The following PLCG2 variants were observed in gnomAD, a reference collection of about 807,000 sequenced individuals.
PLCG2 encodes the protein phospholipase C gamma 2.
Under a neutral mutation model 175.6 loss-of-function variants are expected in PLCG2, and 69 were observed. That is an observed-to-expected ratio of 0.39 (90% CI 0.32 to 0.48). The LOEUF is 0.48. Ranked by LOEUF, PLCG2 falls within the 20% of genes least tolerant of loss-of-function variation. The pLI is 0.91. For synonymous variants in PLCG2, 827 were observed against 624.0 expected (o/e 1.33, Z -4.85); for missense variants, 1,798 against 1,650.9 (o/e 1.09, Z -1.54).
chr16:81,788,852 G>A (rs773593919), intron 2 of PLCG2, among the ~76,000 whole-genome samples: 19 of 152,192 alleles, frequency 1.2e-4, no homozygotes, highest in Non-Finnish European at 2.2e-4. Context: ...CCACCCCCAG[G>A]TGGCCCAGAA....
intron 2 of PLCG2, among the ~76,000 whole-genome samples, chr16:81,831,307 G>C (rs182276717): frequency 6.6e-6 from 1 of 152,176 alleles, no homozygotes; most frequent in Non-Finnish European, 1.5e-5. Flanking sequence ...TGCCTGGCAC[G>C]CTGGCTTTTA....
At chr16:81,782,533 G>A (rs1910785940) in intron 1 of PLCG2, among the ~76,000 whole-genome samples, 1 of 152,244 alleles carries the variant, frequency 6.6e-6, no homozygotes, top group South Asian at 2.1e-4. Context: ...TGAGCTGGGT[G>A]CTGGCAGGAT....
At chr16:81,835,585 A>T (rs1479539560) in intron 2 of PLCG2, among the ~76,000 whole-genome samples, 1 of 58,904 alleles carries the variant, frequency 1.7e-5, no homozygotes, top group Admixed American at 2.6e-4. Context: ...TCTCAAATAT[A>T]ATAATAATAA....
intron 2 of PLCG2, among the ~76,000 whole-genome samples, chr16:81,757,243 C>T (rs1263592636): frequency 1.3e-5 from 2 of 152,128 alleles, no homozygotes; most frequent in East Asian, 1.9e-4. Flanking sequence ...ATTCATCCAT[C>T]CACCCACCCA....
chr16:81,839,204 G>A (rs1240796717), intron 2 of PLCG2, among the ~76,000 whole-genome samples: 2 of 152,162 alleles, frequency 1.3e-5, no homozygotes. Flanking sequence ...AAAACGGTGA[G>A]TTGATTTAAA....
intron 2 of PLCG2, among the ~76,000 whole-genome samples, chr16:81,821,316 C>G (rs1021412837): frequency 6.6e-6 from 1 of 152,226 alleles, no homozygotes; most frequent in Non-Finnish European, 1.5e-5. Context: ...ATTGTTGTCT[C>G]TTGCTGTGTA....
At chr16:81,937,685 C>A (rs1383753693) in intron 27 of PLCG2, 73 bp from the exon 28 acceptor site, 3 of 1,351,274 alleles carry the variant, frequency 2.2e-6, no homozygotes, top group African/African-American at 1.5e-5. Flanking sequence ...TCATTCCCCA[C>A]CTAGAAACTC....
chr16:81,885,305 T>A (rs886268468), intron 9 of PLCG2, among the ~76,000 whole-genome samples: 8 of 149,318 alleles, frequency 5.4e-5, no homozygotes, highest in Non-Finnish European at 1.2e-4. Context: ...ATTACAGGTG[T>A]GAGCCACCAC....
At chr16:81,813,635 A>G (rs1425595817) in intron 2 of PLCG2, among the ~76,000 whole-genome samples, 1 of 152,232 alleles carries the variant, frequency 6.6e-6, no homozygotes, top group Non-Finnish European at 1.5e-5. Flanking sequence ...GGCAGAGCTC[A>G]GTCAGTGGAT....
At chr16:81,767,455 C>T (rs1012078472) in intron 2 of PLCG2, 1 of 152,178 alleles carries the variant, frequency 6.6e-6, no homozygotes, top group Non-Finnish European at 1.5e-5. Flanking sequence ...TCAACTGATA[C>T]ACTCTTGTCC....
intron 1 of PLCG2, among the ~76,000 whole-genome samples, chr16:81,755,162 C>G (rs913536204): frequency 1.3e-5 from 2 of 152,028 alleles, no homozygotes; most frequent in African/African-American, 4.8e-5. Context: ...CAATGGGAAA[C>G]CACCCCAAGC....
In PLCG2 at chr16:81,943,357, C is replaced by T. The variant is rs140083359; in HGVS notation, c.3482-2818C>T. ...GGGAACAAGCACATATTTACATGGC[C>T]AGCAGGAGGAAAAGAGAGCTAGTGA... On this transcript the variant is annotated intron_variant, in intron 30 of 32. Transcript: ENST00000564138. Among the ~76,000 whole-genome samples the T allele has an allele frequency of 6.1e-3, 927 of 152,278 alleles. 2 individuals are homozygous for T. The highest frequency in any genetic ancestry group is 7.8e-3 in the Non-Finnish European group (528 of 68,022).
At position 81,956,721 on chromosome 16, in the gene PLCG2, C is replaced by T. The variant is rs1386427506; in HGVS notation, c.3597C>T (p.Ser1199=). The change falls in exon 32 of 33, where the codon TCC becomes TCT. Residue 1199 remains serine, a synonymous_variant. Coordinates refer to ENST00000564138, the MANE Select transcript of PLCG2 (RefSeq NM_002661.5). ...AGAGCGAAGAGGAACTTTACTCCTC[C>T]TGTCGCCAGCTGAGGAGGCGGCAAG... ...VLESEEELYS[S]CRQLRRRQEE... 3.1e-6 allele frequency: 5 copies of T among 1,614,096 alleles called. No individual in the cohort carries two copies. The highest frequency in any genetic ancestry group is 4.2e-6 in the Non-Finnish European group (5 of 1,179,996).
intron 2 of PLCG2, among the ~76,000 whole-genome samples, chr16:81,788,194 G>C (rs1207302690): frequency 1.3e-5 from 2 of 152,144 alleles, no homozygotes; most frequent in African/African-American, 4.8e-5. Flanking sequence ...GGTAGAAAAG[G>C]GTGATCGTTG....
chr16:81,808,297 GCAAAC>G, intron 2 of PLCG2, among the ~76,000 whole-genome samples: 1 of 152,052 alleles, frequency 6.6e-6, no homozygotes, highest in Admixed American at 6.6e-5. Flanking sequence ...TGTTTTGGAG[GCAAAC>G]CCCTCCCCTT....
intron 26 of PLCG2, 200 bp from the exon 27 acceptor site, chr16:81,935,969 C>T (rs1162279163): frequency 2.0e-6 from 2 of 985,084 alleles, no homozygotes; most frequent in Non-Finnish European, 2.4e-6. Context: ...AACTAGGCCC[C>T]TTTTTAATAC....
chr16:81,876,816 A>G (rs1296083543), intron 7 of PLCG2, among the ~76,000 whole-genome samples: 1 of 152,200 alleles, frequency 6.6e-6, no homozygotes, highest in African/African-American at 2.4e-5. Flanking sequence ...CCTCCATGGT[A>G]ATGCCGAACA....
At chr16:81,956,943 C>A (rs930515858) in intron 32 of PLCG2, 64 bp downstream of exon 32, 50 of 1,390,646 alleles carry the variant, frequency 3.6e-5, no homozygotes, top group Non-Finnish European at 1.0e-6. Flanking sequence ...ATGATGGGCA[C>A]CACGGGCCAG....
intron 9 of PLCG2, among the ~76,000 whole-genome samples, chr16:81,884,672 T>C (rs946853808): frequency 2.6e-5 from 4 of 152,114 alleles, no homozygotes; most frequent in Non-Finnish European, 4.4e-5. Context: ...GTTTATATCA[T>C]TGGAGTTCCA....
Sources: gnomAD v4.1 joint callset for allele counts (sites outside exome capture counted in the v4.1 genomes callset) on GRCh38, gnomAD v4.1.1 for gene constraint, MANE v1.5 for transcripts, NCBI Gene and HGNC (gene_info 2026-07-23, HGNC 2026-07-21) for gene names.